MARK1: variants seen among roughly 807,000 people sequenced by gnomAD.
The protein encoded by MARK1 is microtubule affinity regulating kinase 1, also known as serine/threonine-protein kinase MARK1.
In MARK1, 40 loss-of-function variants were observed where a neutral mutation model predicts 96.3. The ratio of observed to expected loss-of-function variants is 0.42; its 90% confidence interval spans 0.32 to 0.54. The LOEUF (loss-of-function observed/expected upper bound fraction) is 0.54. MARK1 is among the 20% of genes least tolerant of loss of function. MARK1 has a pLI of 0.16. For missense variants in MARK1, 719 were observed against 984.6 expected, an observed-to-expected ratio of 0.73 and a Z score of 3.61; for synonymous variants, 317 against 341.2, an observed-to-expected ratio of 0.93 and a Z score of 0.78.
chr1:220,633,340 G>A (rs549265731), intron 11 of MARK1, among the ~76,000 whole-genome samples: 15 of 151,614 alleles, frequency 9.9e-5, no homozygotes, highest in African/African-American at 3.4e-4. Flanking sequence ...AGAACAGATC[G>A]CAGAGCATTA....
intron 17 of MARK1, among the ~76,000 whole-genome samples, chr1:220,658,817 T>C (rs1231074264): frequency 1.3e-5 from 2 of 152,198 alleles, no homozygotes; most frequent in African/African-American, 4.8e-5. Flanking sequence ...GTAATAATAG[T>C]TGAAATGTTT....
At chr1:220,613,971 G>A (rs975903141) in intron 6 of MARK1, among the ~76,000 whole-genome samples, 1 of 151,856 alleles carries the variant, frequency 6.6e-6, no homozygotes, top group African/African-American at 2.4e-5. Flanking sequence ...GTTTTGTGGG[G>A]TTTATTTTGT....
At chr1:220,545,646 C>A (rs1045745946) in intron 1 of MARK1, among the ~76,000 whole-genome samples, 1 of 151,720 alleles carries the variant, frequency 6.6e-6, no homozygotes, top group African/African-American at 2.4e-5. Flanking sequence ...GACATGTTGC[C>A]CAGGCTGGTT....
intron 9 of MARK1, chr1:220,626,871 C>A: frequency 2.2e-6 from 1 of 456,298 alleles, no homozygotes; most frequent in Non-Finnish European, 4.3e-6. Context: ...TGGAATTTGT[C>A]AAGAGCTTTA....
chr1:220,603,569 A>G (rs1017603936), intron 5 of MARK1, among the ~76,000 whole-genome samples: 4 of 152,094 alleles, frequency 2.6e-5, no homozygotes, highest in Admixed American at 2.0e-4. Flanking sequence ...AACACAGAGT[A>G]TAGGAAAGGA....
rs61237689 is a variant in MARK1 at position 220,624,297 on chromosome 1, CAAA to C, written c.909+5558_909+5560del. ...TGGGAAACAGAATGCGATTCCATCTCAAAAAAAAAAAAAAAAAATAGGTTGGGC... is the reference window on the plus strand; with the variant it reads ...TGGGAAACAGAATGCGATTCCATCTCAAAAAAAAAAAAAAATAGGTTGGGC... On this transcript the variant is annotated intron_variant, in intron 9 of 17. Transcript: ENST00000366917. Among the ~76,000 whole-genome samples the C allele has an allele frequency of 4.4e-3, 508 of 114,780 alleles. 1 individual carries two copies. Among genetic ancestry groups the C allele is most frequent in the African/African-American group, 7.8e-3 (232 of 29,840 alleles). The allele number at this position is 114,780 out of a possible 152,430, so 75.3% of individuals were successfully genotyped here. A position where few individuals can be genotyped will look rare whatever the true frequency, so the allele number is the denominator to read the frequency against.
chr1:220,539,389 T>C (rs895852449), intron 1 of MARK1, among the ~76,000 whole-genome samples: 1 of 152,328 alleles, frequency 6.6e-6, no homozygotes, highest in South Asian at 2.1e-4. Context: ...TTGCATATAT[T>C]GAACCAGCCT....
Position 220,564,366 on chromosome 1 carries a change from T to A in MARK1, c.52-14988T>A, listed in dbSNP as rs147874646. ...CCTTTGTTTCATACATGAAAATCTG[T>A]TGTGAGCTGAGTATCTGGTACAAAG... On this transcript the variant is annotated intron_variant, in intron 1 of 17. Transcript: ENST00000366917. Among the ~76,000 whole-genome samples, 869 of 152,326 alleles carry A rather than the reference T, an allele frequency of 5.7e-3. 5 individuals are homozygous for A. The highest frequency in any genetic ancestry group is 7.4e-3 in the Non-Finnish European group (500 of 68,022).
intron 7 of MARK1, among the ~76,000 whole-genome samples, chr1:220,617,757 G>C (rs1295843288): frequency 6.6e-6 from 1 of 152,084 alleles, no homozygotes; most frequent in Admixed American, 6.5e-5. Context: ...GTATTTTTTG[G>C]TCATGTTTTA....
chr1:220,644,027 C>T (rs1031242786), intron 13 of MARK1, among the ~76,000 whole-genome samples: 6 of 152,056 alleles, frequency 3.9e-5, no homozygotes, highest in Non-Finnish European at 8.8e-5. Flanking sequence ...GCAAAATTGG[C>T]CACCCAGCAT....
rs10710315 is a variant in MARK1 at position 220,576,421 on chromosome 1, CAAA to C, written c.52-2919_52-2917del. On this transcript the variant is annotated intron_variant, in intron 1 of 17. Coordinates refer to ENST00000366917, the MANE Select transcript of MARK1 (RefSeq NM_018650.5). ...ATCATGTCTAACTCATTTTATTGGC[CAAA>C]AAAAAAAAAAAAATCACTTGACTAA... Among the ~76,000 whole-genome samples the C allele has an allele frequency of 2.9e-4, 40 of 138,536 alleles. No individual in the cohort carries two copies. The East Asian group carries it at 3.6e-3, about 12-fold the overall frequency. 90.9% of individuals were successfully genotyped at this position (138,536 alleles called of 152,430 possible).
At chr1:220,586,005 A>ACGCGCGCGCG (rs1228483273) in intron 3 of MARK1, among the ~76,000 whole-genome samples, 3 of 23,882 alleles carry the variant, frequency 1.3e-4, no homozygotes, top group African/African-American at 1.6e-4. Flanking sequence ...ACACACACAC[A>ACGCGCGCGCG]CACACACGCG....
chr1:220,540,105 G>A (rs1228213134), intron 1 of MARK1, among the ~76,000 whole-genome samples: 1 of 151,986 alleles, frequency 6.6e-6, no homozygotes, highest in Non-Finnish European at 1.5e-5. Flanking sequence ...GTTTTTGTAG[G>A]TTTATTAGGG....
At chr1:220,628,066 C>A (rs1476895515) in intron 9 of MARK1, 1 of 152,122 alleles carries the variant, frequency 6.6e-6, no homozygotes, top group Non-Finnish European at 1.5e-5. Flanking sequence ...ACTGTTTAGA[C>A]CCCATCTCTC....
At chr1:220,643,461 TAAAAG>T (rs911800186) in intron 13 of MARK1, among the ~76,000 whole-genome samples, 7 of 151,838 alleles carry the variant, frequency 4.6e-5, no homozygotes, top group African/African-American at 7.3e-5. Flanking sequence ...TTGGAGTACT[TAAAAG>T]AGACAGGGAG....
chr1:220,661,917 C>T lies in MARK1; in HGVS notation c.2139C>T (p.Asp713=), dbSNP rs767272356. The part of the protein sequence containing the change: ...TWSMKTTSSM[D]PNDMMREIRK... ...GTATGAAGACCACTAGTTCAATGGA[C>T]CCTAATGACATGATGAGAGAAATCC... The change falls in exon 18 of 18, where the codon GAC becomes GAT. Residue 713 remains aspartate (D), a synonymous_variant. Coordinates refer to ENST00000366917, the MANE Select transcript of MARK1 (RefSeq NM_018650.5). The T allele has an allele frequency of 3.0e-5, 49 of 1,613,986 alleles. No homozygotes were observed. The highest frequency in any genetic ancestry group is 4.1e-5 in the Non-Finnish European group (48 of 1,180,012).
At chr1:220,556,892 A>T (rs915623656) in intron 1 of MARK1, among the ~76,000 whole-genome samples, 7 of 152,164 alleles carry the variant, frequency 4.6e-5, no homozygotes, top group African/African-American at 1.7e-4. Flanking sequence ...GATATTAAAG[A>T]CTGGTTAATA....
Position 220,631,078 on chromosome 1 carries a change from A to T in MARK1, c.953A>T (p.Glu318Val). The change falls in exon 10 of 18, where the codon GAA (glutamate) becomes GTA (valine). Residue 318 changes from glutamate (E) to valine (V), a missense_variant. By Grantham distance (121) the Glu-to-Val change is moderately radical. This residue lies in a region of MARK1 where 501 missense variants were observed against 588.3 expected (regional missense o/e 0.85). Coordinates refer to ENST00000366917, the MANE Select transcript of MARK1 (RefSeq NM_018650.5). ...DRWMNVGHEE[E>V]ELKPYTEPDP... ...TGGATGAATGTTGGTCATGAAGAGG[A>T]AGAACTAAAGCCATATACTGAGCCT... is the stretch of plus-strand genomic sequence containing the variant. 8 of 1,613,220 alleles carry T rather than the reference A, an allele frequency of 5.0e-6. No individual in the cohort carries two copies. Among genetic ancestry groups the T allele is most frequent in the Middle Eastern group, 1.7e-4 (1 of 6,052 alleles).
intron 1 of MARK1, among the ~76,000 whole-genome samples, chr1:220,570,905 A>G (rs1204684648): frequency 1.3e-5 from 2 of 152,170 alleles, no homozygotes; most frequent in African/African-American, 4.8e-5. Flanking sequence ...TGTGCATAGC[A>G]TAGTAGCTTT....
Sources: gnomAD v4.1 joint callset for allele counts (sites outside exome capture counted in the v4.1 genomes callset) on GRCh38, gnomAD v4.1.1 for gene constraint, gnomAD v4.1.1 regional missense constraint, MANE v1.5 for transcripts, NCBI Gene and HGNC (gene_info 2026-07-23, HGNC 2026-07-21) for gene names.